Variants in ABL1 observed in about 807,000 individuals in gnomAD.
ABL1 encodes tyrosine-protein kinase ABL1.
Under a neutral mutation model 94.7 loss-of-function variants are expected in ABL1, and 11 were observed. The ratio of observed to expected loss-of-function variants is 0.12; its 90% CI spans 0.07 to 0.19. The LOEUF is 0.19. ABL1 is among the 10% of genes least tolerant of loss of function. ABL1 has a pLI of 1.00. For missense variants in ABL1, 1,082 were observed against 1,489.4 expected (o/e 0.73, Z 4.50); for synonymous variants, 656 against 622.4 (o/e 1.05, Z -0.80).
At chr9:130,727,487 G>T (rs1031886164) in intron 1 of ABL1, among the ~76,000 whole-genome samples, 6 of 151,962 alleles carry the variant, frequency 3.9e-5, no homozygotes, top group African/African-American at 1.4e-4. Context: ...ATTCCGCCGG[G>T]CGTGGTGGCA....
Position 130,862,960 on chromosome 9 carries a change from C to T in ABL1, c.747C>T (p.Gly249=), listed in dbSNP as rs771332830. The part of the protein sequence containing the change: ...RTDITMKHKL[G]GGQYGEVYEG... Reference sequence around the variant, plus strand: ...ACATCACCATGAAGCACAAGCTGGGCGGGGGCCAGTACGGGGAGGTGTACG... The same window carrying T: ...ACATCACCATGAAGCACAAGCTGGGTGGGGGCCAGTACGGGGAGGTGTACG... The change falls in exon 4 of 11, where the codon GGC becomes GGT. Residue 249 remains glycine, a synonymous_variant. Coordinates refer to ENST00000318560, the MANE Select transcript of ABL1 (RefSeq NM_005157.6). The surrounding 1 kb of genome is among the most constrained non-coding windows in gnomAD (Gnocchi z 5.5). 31 of 1,614,098 alleles carry T rather than the reference C, an allele frequency of 1.9e-5. No individual in the cohort carries two copies. The highest frequency in any genetic ancestry group is 2.5e-5 in the Non-Finnish European group (29 of 1,180,008).
intron 1 of ABL1, among the ~76,000 whole-genome samples, chr9:130,846,646 C>A (rs1830777085): frequency 6.6e-6 from 1 of 152,134 alleles, no homozygotes. Flanking sequence ...GCACAAGTGC[C>A]AGCAGGAAGG....
In ABL1 at chr9:130,816,673, A is replaced by G. The variant is rs563317612; in HGVS notation, c.137-37391A>G. Among the ~76,000 whole-genome samples, 29 of 152,260 alleles carry G rather than the reference A, an allele frequency of 1.9e-4. 1 individual carries two copies. In the East Asian group the frequency reaches 4.2e-3, roughly 22 times the overall value. Reference sequence around the variant, plus strand: ...GACATTCCCATTCCAAAAGGGAGCAATAGGCAAGAAGAAAGGGGTAGCTGG... The same window carrying G: ...GACATTCCCATTCCAAAAGGGAGCAGTAGGCAAGAAGAAAGGGGTAGCTGG... On this transcript the variant is annotated intron_variant, in intron 1 of 10. Coordinates refer to the ABL1 transcript ENST00000372348.
chr9:130,727,760 C>CT (rs1203028133), intron 1 of ABL1, among the ~76,000 whole-genome samples: 2 of 135,576 alleles, frequency 1.5e-5, no homozygotes, highest in Non-Finnish European at 3.1e-5. Context: ...CGCCCCCCCC[C>CT]CCCAAAAAAA....
chr9:130,833,625 C>T (rs570781329), upstream of ABL1, among the ~76,000 whole-genome samples: 10 of 152,278 alleles, frequency 6.6e-5, no homozygotes, highest in African/African-American at 2.4e-4. Flanking sequence ...TCTGGTACCA[C>T]GACTCTAGCA....
At chr9:130,722,265 T>C (rs952022790) in intron 1 of ABL1, among the ~76,000 whole-genome samples, 1 of 151,964 alleles carries the variant, frequency 6.6e-6, no homozygotes, top group Non-Finnish European at 1.5e-5. Flanking sequence ...TGGTGGCATA[T>C]GCCTGTAATC....
At chr9:130,774,479 A>C (rs939050026) in intron 1 of ABL1, among the ~76,000 whole-genome samples, 1 of 152,116 alleles carries the variant, frequency 6.6e-6, no homozygotes, top group Non-Finnish European at 1.5e-5. Context: ...GATTGGCTAC[A>C]CTTTGAGCAA....
intron 10 of ABL1, among the ~76,000 whole-genome samples, chr9:130,883,724 C>G (rs1295161592): frequency 6.6e-6 from 1 of 152,166 alleles, no homozygotes; most frequent in Non-Finnish European, 1.5e-5. Flanking sequence ...CTATGAGGAG[C>G]TCTGGGAATA....
intron 1 of ABL1, among the ~76,000 whole-genome samples, chr9:130,827,608 A>C (rs927957331): frequency 6.6e-6 from 1 of 152,150 alleles, no homozygotes; most frequent in African/African-American, 2.4e-5. Flanking sequence ...TAAAAGAACT[A>C]TTCAGCTTGG....
At chr9:130,877,548 A>G (rs1831367895) in intron 7 of ABL1, among the ~76,000 whole-genome samples, 1 of 147,666 alleles carries the variant, frequency 6.8e-6, no homozygotes, top group South Asian at 2.1e-4. Flanking sequence ...CACATTACCT[A>G]AAAGACCCCA....
At chr9:130,784,124 C>A (rs1829795221) in intron 1 of ABL1, among the ~76,000 whole-genome samples, 1 of 151,046 alleles carries the variant, frequency 6.6e-6, no homozygotes, top group African/African-American at 2.4e-5. Context: ...TAAAAAAAAT[C>A]TCTAAAATCA....
At chr9:130,713,895 A>G (rs1210726597) in exon 1 of ABL1, 2 of 232,190 alleles carry the variant, frequency 8.6e-6, no homozygotes, top group East Asian at 6.1e-5. Flanking sequence ...GGTGACTTCC[A>G]CAGGAAAAGT....
intron 1 of ABL1, among the ~76,000 whole-genome samples, chr9:130,727,763 CA>C (rs201790155): frequency 0.036 from 4,080 of 114,282 alleles, 369 homozygotes; most frequent in African/African-American, 0.047. Flanking sequence ...CCCCCCCCCC[CA>C]AAAAAAAGCA....
Position 130,887,202 on chromosome 9 carries a change from A to G in ABL1, c.*1519A>G, listed in dbSNP as rs1831601223. On this transcript the variant is annotated 3_prime_UTR_variant, in exon 11 of 11. Coordinates refer to ENST00000318560, the MANE Select transcript of ABL1 (RefSeq NM_005157.6). ...CCGCCTCGTGCCAGCAGCCTCGCAC[A>G]GGCCCTAGCTTTACGCTCATCACCT... 1 of 233,174 alleles carries G rather than the reference A, an allele frequency of 4.3e-6. No individual in the cohort carries two copies. The highest frequency in any genetic ancestry group is 8.5e-6 in the Non-Finnish European group (1 of 117,966). The allele number at this position is 233,174 out of a possible 1,614,324, so 14.4% of individuals were successfully genotyped here. A position where few individuals can be genotyped will look rare whatever the true frequency, so the allele number is the denominator to read the frequency against.
intron 1 of ABL1, among the ~76,000 whole-genome samples, chr9:130,729,307 A>G (rs75559434): frequency 0.028 from 4,276 of 152,322 alleles, 82 homozygotes; most frequent in African/African-American, 0.05. Context: ...TAAACTGCAT[A>G]GAATCTGGAA....
At chr9:130,760,863 C>T (rs1021683817) in intron 1 of ABL1, among the ~76,000 whole-genome samples, 1 of 148,868 alleles carries the variant, frequency 6.7e-6, no homozygotes, top group African/African-American at 2.5e-5. Context: ...GACGGGGTTT[C>T]ACCATGTTGG....
chr9:130,872,943 A>G lies in ABL1; in HGVS notation c.991A>G (p.Asn331Asp), dbSNP rs139597295. ...CCTCCTGGACTACCTGAGGGAGTGC[A>G]ACCGGCAGGAGGTGAACGCCGTGGT... ...GNLLDYLREC[N>D]RQEVNAVVLL... Residue 331 changes from asparagine to aspartate, a missense_variant, in exon 6 of 11, where the codon AAC (asparagine) becomes GAC (aspartate). Transcript: ENST00000318560. This position sits in a 1 kb window ranked among gnomAD's most constrained non-coding sequence, Gnocchi z 5.0. 306 of 1,614,102 alleles carry G rather than the reference A, an allele frequency of 1.9e-4. No homozygotes were observed. The highest frequency in any genetic ancestry group is 2.5e-4 in the Non-Finnish European group (299 of 1,180,044).
chr9:130,816,064 T>C (rs1030086777), intron 1 of ABL1, among the ~76,000 whole-genome samples: 1 of 152,032 alleles, frequency 6.6e-6, no homozygotes, highest in Admixed American at 6.6e-5. Context: ...GCCCTGGCAG[T>C]CACCTGTGAG....
intron 1 of ABL1, among the ~76,000 whole-genome samples, chr9:130,794,494 C>T (rs996750896): frequency 2.6e-5 from 4 of 152,058 alleles, no homozygotes; most frequent in African/African-American, 9.7e-5. Context: ...CCTGGCCATT[C>T]GATCATTTGA....
Sources: gnomAD v4.1 joint callset for allele counts (sites outside exome capture counted in the v4.1 genomes callset) on GRCh38, gnomAD v4.1.1 for gene constraint, Gnocchi (gnomAD v3.1) non-coding constraint, MANE v1.5 for transcripts, NCBI Gene and HGNC (gene_info 2026-07-23, HGNC 2026-07-21) for gene names.